TBRG1: variants seen among roughly 807,000 people sequenced by gnomAD.
TBRG1 encodes nuclear interactor of ARF and MDM2.
Under a neutral mutation model 44.0 loss-of-function variants are expected in TBRG1, and 31 were observed. That is an observed-to-expected ratio of 0.70 (90% confidence interval 0.53 to 0.95). TBRG1 has a LOEUF of 0.95. Among genes scored for constraint, TBRG1 ranks in the 40% least tolerant of loss-of-function variants. TBRG1 has a pLI of 0.00. For synonymous variants in TBRG1, 171 were observed against 188.1 expected (o/e 0.91, Z 0.74); for missense variants, 487 against 496.1 (o/e 0.98, Z 0.18).
intron 8 of TBRG1, chr11:124,631,858 A>G (rs1368610778): frequency 6.2e-6 from 3 of 481,458 alleles, no homozygotes; most frequent in Non-Finnish European, 1.1e-5. Context: ...GGGTTAAAAA[A>G]TGGAATTGAA....
intron 1 of TBRG1, 189 bp downstream of exon 1, chr11:124,623,422 G>A: frequency 1.4e-6 from 1 of 717,674 alleles, no homozygotes; most frequent in South Asian, 1.5e-5. Flanking sequence ...CTGTAAATGA[G>A]CTAGTAACTG....
At chr11:124,631,060 G>C (rs1054373733) in intron 7 of TBRG1, 19 of 634,234 alleles carry the variant, frequency 3.0e-5, no homozygotes, top group Non-Finnish European at 4.6e-5. Context: ...ACTATTTTCT[G>C]TATGTACCAT....
intron 5 of TBRG1, among the ~76,000 whole-genome samples, chr11:124,628,737 G>C (rs1242299894): frequency 2.6e-5 from 4 of 152,078 alleles, no homozygotes; most frequent in Admixed American, 2.6e-4. Context: ...GTAGTCTTCT[G>C]GGAGGGCAAC....
At chr11:124,623,987 C>T (rs925805164) in intron 1 of TBRG1, among the ~76,000 whole-genome samples, 3 of 152,170 alleles carry the variant, frequency 2.0e-5, no homozygotes, top group Admixed American at 1.3e-4. Flanking sequence ...AAAGCTTGAA[C>T]GTCTCTCAGC....
At chr11:124,631,162 T>G in intron 7 of TBRG1, 113 bp from the exon 8 acceptor site, 2 of 1,051,062 alleles carry the variant, frequency 1.9e-6, no homozygotes, top group Non-Finnish European at 2.7e-6. Flanking sequence ...AATATGTGTT[T>G]TAGATATATA....
chr11:124,625,111 A>G (rs1942435825), intron 2 of TBRG1, 110 bp downstream of exon 2: 2 of 740,554 alleles, frequency 2.7e-6, no homozygotes, highest in South Asian at 1.8e-5. Context: ...ATTGATGCGT[A>G]TCGCACAGCC....
Position 124,625,759 on chromosome 11 carries a change from CT to C in TBRG1, c.311del (p.Leu104ArgfsTer50), listed in dbSNP as rs1376483702. 1 of 1,568,900 alleles carries C rather than the reference CT, an allele frequency of 6.4e-7. No homozygotes were observed. On this transcript the variant is annotated frameshift_variant, in exon 3 of 9. Coordinates refer to ENST00000441174, the MANE Select transcript of TBRG1 (RefSeq NM_032811.3). LOFTEE classifies it high-confidence loss of function. Reference protein sequence around the residue: ...AAPSHSSSLPLTYGVASSVGT... With the variant: ...AAPSHSSSLPXTYGVASSVGT... ...TCCTTCCCACAGTTCCAGTTTGCCC[CT>C]GACTTATGGTGTGGCCAGCTCTGTG...
intron 2 of TBRG1, 98 bp downstream of exon 2, chr11:124,625,099 G>A: frequency 1.2e-6 from 1 of 821,054 alleles, no homozygotes; most frequent in Non-Finnish European, 2.0e-6. Context: ...TTTCCCAGTG[G>A]GATTGATGCG....
rs1450318987 is a variant in TBRG1, at chr11:124,632,162, A to G, written c.1160A>G (p.His387Arg). 3.1e-6 allele frequency: 5 copies of G among 1,613,608 alleles called. No individual in the cohort carries two copies. Among genetic ancestry groups the G allele is most frequent in the East Asian group, 2.2e-5 (1 of 44,882 alleles). The change falls in exon 9 of 9, where the codon CAT (histidine) becomes CGT (arginine). Residue 387 changes from histidine to arginine, a missense_variant. Transcript: ENST00000441174. The stretch of plus-strand genomic sequence containing the variant: ...TCTTACCAGCCCATGTACCTGACAC[A>G]TGAACCCTTGGTAGATACTCACCTG... ...VSSYQPMYLT[H>R]EPLVDTHLQH...
Position 124,623,164 on chromosome 11 carries a change from G to C in TBRG1, c.81G>C (p.Lys27Asn). Residue 27 changes from lysine (K) to asparagine (N), a missense_variant, in exon 1 of 9, where the codon AAG becomes AAC. Physicochemically the swap from Lys to Asn is moderately conservative, Grantham distance 94. Coordinates refer to ENST00000441174, the MANE Select transcript of TBRG1 (RefSeq NM_032811.3). ...SSKARMKKLPKKSQNEKYRLK... is the reference protein window; with the variant it reads ...SSKARMKKLPNKSQNEKYRLK... ...AGGCCAGGATGAAAAAGCTCCCGAA[G>C]AAGAGCCAGAATGAGAAGTACCGGC... 1 of 1,551,698 alleles carries C rather than the reference G, an allele frequency of 6.4e-7. No individual in the cohort carries two copies. Among genetic ancestry groups the C allele is most frequent in the Non-Finnish European group, 8.7e-7 (1 of 1,146,994 alleles).
intron 4 of TBRG1, 120 bp from the exon 5 acceptor site, chr11:124,626,780 CTCTG>C: frequency 6.7e-7 from 1 of 1,483,946 alleles, no homozygotes. Context: ...ACAGCCTACT[CTCTG>C]TCTTTGTGTG....
At chr11:124,628,065 T>TTATATATATA (rs71042445) in intron 5 of TBRG1, among the ~76,000 whole-genome samples, 14 of 69,844 alleles carry the variant, frequency 2.0e-4, no homozygotes, top group East Asian at 6.2e-4. Flanking sequence ...AGTAGCTGTT[T>TTATATATATA]TATATATATA....
chr11:124,624,019 G>A (rs991277367), intron 1 of TBRG1, among the ~76,000 whole-genome samples: 27 of 152,144 alleles, frequency 1.8e-4, no homozygotes, highest in African/African-American at 6.0e-4. Flanking sequence ...CATAAGGAAA[G>A]GTTCAGAAAT....
chr11:124,624,255 G>A (rs1321033727), intron 1 of TBRG1, among the ~76,000 whole-genome samples: 3 of 151,368 alleles, frequency 2.0e-5, no homozygotes, highest in East Asian at 3.9e-4. Context: ...TGAAGAAAAA[G>A]CGATGTTGTT....
At chr11:124,627,857 A>G (rs1262043653) in intron 5 of TBRG1, among the ~76,000 whole-genome samples, 2 of 152,060 alleles carry the variant, frequency 1.3e-5, no homozygotes, top group East Asian at 3.9e-4. Flanking sequence ...AATGCAATGC[A>G]AATCTAATCA....
chr11:124,622,982 A>T lies in TBRG1; in HGVS notation c.-102A>T. ...GGAGAGCTAGATTCCTAGAGGCCCG[A>T]TTCCGCTAGCCCGGAACAGACAAAG... On this transcript the variant is annotated 5_prime_UTR_variant, in exon 1 of 9. Coordinates refer to ENST00000441174, the MANE Select transcript of TBRG1 (RefSeq NM_032811.3). 7.6e-7 allele frequency: 1 copy of T among 1,311,852 alleles called. No individual in the cohort carries two copies. The allele number at this position is 1,311,852 out of a possible 1,614,324, so 81.3% of individuals were successfully genotyped here. A position where few individuals can be genotyped will look rare whatever the true frequency, so the allele number is the denominator to read the frequency against.
chr11:124,623,166 A>G lies in TBRG1; in HGVS notation c.83A>G (p.Lys28Arg). ...GCCAGGATGAAAAAGCTCCCGAAGA[A>G]GAGCCAGAATGAGAAGTACCGGCTG... ...SKARMKKLPK[K>R]SQNEKYRLKY... Residue 28 changes from lysine (K) to arginine (R), a missense_variant, in exon 1 of 9, where the codon AAG becomes AGG. Transcript: ENST00000441174. 6.4e-7 allele frequency: 1 copy of G among 1,551,722 alleles called. No individual in the cohort carries two copies. Among genetic ancestry groups the G allele is most frequent in the South Asian group, 1.2e-5 (1 of 84,070 alleles).
chr11:124,627,157 T>C (rs1942494498), intron 5 of TBRG1, 107 bp downstream of exon 5: 1 of 831,798 alleles, frequency 1.2e-6, no homozygotes, highest in Non-Finnish European at 1.9e-6. Context: ...TAATCACCAT[T>C]TGGGTAATCC....
At chr11:124,630,632 C>T (rs1436443841) in intron 6 of TBRG1, 113 bp from the exon 7 acceptor site, 3 of 1,018,062 alleles carry the variant, frequency 2.9e-6, no homozygotes, top group Non-Finnish European at 4.6e-6. Flanking sequence ...AGAGCCTCCA[C>T]ATTATCAAAG....
Sources: allele counts gnomAD v4.1 joint callset (sites outside exome capture counted in the v4.1 genomes callset), GRCh38; gene constraint gnomAD v4.1.1; transcripts MANE v1.5; gene names NCBI Gene and HGNC (gene_info 2026-07-23, HGNC 2026-07-21).